The following GNAO1 variants were observed in gnomAD, a reference collection of about 807,000 sequenced individuals.
GNAO1 encodes the protein guanine nucleotide-binding protein G(o) subunit alpha.
For missense variants in GNAO1, 166 were observed against 478.7 expected, an observed-to-expected ratio of 0.35 and a Z score of 6.10; for synonymous variants, 164 against 180.7, an observed-to-expected ratio of 0.91 and a Z score of 0.74.
At chr16:56,277,675 A>C (rs895690155) in intron 3 of GNAO1, among the ~76,000 whole-genome samples, 4 of 152,114 alleles carry the variant, frequency 2.6e-5, no homozygotes, top group African/African-American at 7.2e-5. Context: ...GCATGGCACA[A>C]GCCACAGGCC....
At chr16:56,337,462 A>G (rs2037753920) in intron 6 of GNAO1, among the ~76,000 whole-genome samples, 1 of 152,172 alleles carries the variant, frequency 6.6e-6, no homozygotes, top group African/African-American at 2.4e-5. Flanking sequence ...GCCAAATGCC[A>G]GACCAGGCTC....
intron 2 of GNAO1, among the ~76,000 whole-genome samples, chr16:56,269,846 C>CT (rs2036998291): frequency 6.6e-6 from 1 of 152,130 alleles, no homozygotes; most frequent in South Asian, 2.1e-4. Flanking sequence ...TCAGAGGAGT[C>CT]TATGATTCAG....
intron 2 of GNAO1, among the ~76,000 whole-genome samples, chr16:56,266,838 C>T (rs1191262887): frequency 1.3e-5 from 2 of 152,122 alleles, no homozygotes; most frequent in East Asian, 3.9e-4. Flanking sequence ...GTGCCCCACT[C>T]TTAACACGTG....
intron 2 of GNAO1, among the ~76,000 whole-genome samples, chr16:56,226,176 A>G (rs1225495639): frequency 2.6e-5 from 4 of 152,180 alleles, no homozygotes; most frequent in Non-Finnish European, 4.4e-5. Flanking sequence ...AGGGGGCATC[A>G]TAGCCTTTCA....
At chr16:56,194,374 G>T in intron 2 of GNAO1, 1 of 421,244 alleles carries the variant, frequency 2.4e-6, no homozygotes, top group East Asian at 7.2e-5. Flanking sequence ...CCTTTCTCCC[G>T]AGGGGGGACG....
intron 2 of GNAO1, among the ~76,000 whole-genome samples, chr16:56,228,921 A>G (rs759674333): frequency 2.0e-5 from 3 of 152,202 alleles, no homozygotes; most frequent in Non-Finnish European, 4.4e-5. Flanking sequence ...TTGTTGTTAT[A>G]CATGTTTGTT....
intron 2 of GNAO1, among the ~76,000 whole-genome samples, chr16:56,269,652 G>A (rs1435542749): frequency 6.6e-6 from 1 of 152,204 alleles, no homozygotes; most frequent in African/African-American, 2.4e-5. Flanking sequence ...TTGTGATGGA[G>A]GAGGAGCGGC....
intron 2 of GNAO1, among the ~76,000 whole-genome samples, chr16:56,199,677 A>G (rs188896487): frequency 6.6e-6 from 1 of 152,356 alleles, no homozygotes; most frequent in East Asian, 1.9e-4. Flanking sequence ...GGTTTTCACC[A>G]TAGAATTTCT....
chr16:56,317,728 AGG>A (rs2037526396), intron 3 of GNAO1, among the ~76,000 whole-genome samples: 1 of 152,110 alleles, frequency 6.6e-6, no homozygotes, highest in Admixed American at 6.5e-5. Context: ...TGGCTGGAGA[AGG>A]GATGATGGGT....
chr16:56,330,182 G>A (rs527358375), intron 4 of GNAO1, among the ~76,000 whole-genome samples: 3 of 152,352 alleles, frequency 2.0e-5, no homozygotes, highest in East Asian at 3.9e-4. Flanking sequence ...GGCCTGATGA[G>A]CTCCCAGGGA....
At chr16:56,237,523 C>G (rs1161735657) in intron 2 of GNAO1, among the ~76,000 whole-genome samples, 1 of 152,124 alleles carries the variant, frequency 6.6e-6, no homozygotes, top group Non-Finnish European at 1.5e-5. Context: ...AAGAACACAG[C>G]CATCTCCCTG....
chr16:56,289,038 G>GT lies in GNAO1; in HGVS notation c.303+12966_303+12967insT, dbSNP rs1303314523. 3.6e-4 allele frequency among the ~76,000 whole-genome samples: 55 copies of GT among 152,112 alleles called. 1 individual carries two copies. Among genetic ancestry groups the GT allele is most frequent in the Non-Finnish European group, 2.9e-5 (2 of 68,022 alleles). ...TCTTCCTTTGTATCCAAAAAAGGGG[G>GT]GGGGAGCGGAAAAAAGAGAAAAAAA... On this transcript the variant is annotated intron_variant, in intron 3 of 8. Transcript: ENST00000262493.
At position 56,334,726 on chromosome 16, in the gene GNAO1, C is replaced by T. The variant is rs1596871341; in HGVS notation, c.465-3C>T. ...ATAGTCCCCTGTTTGTTGCCATCCT[C>T]AGCTACCTGGACAGCCTGGATCGGA... is the stretch of plus-strand genomic sequence containing the variant. On this transcript the variant is annotated splice_polypyrimidine_tract_variant and splice_region_variant and intron_variant, in intron 4 of 8. Transcript: ENST00000262493. The T allele has an allele frequency of 1.2e-6, 2 of 1,613,844 alleles. No homozygotes were observed. The highest frequency in any genetic ancestry group is 1.3e-5 in the African/African-American group (1 of 74,942).
At chr16:56,264,869 C>A (rs1275967237) in intron 2 of GNAO1, among the ~76,000 whole-genome samples, 3 of 150,430 alleles carry the variant, frequency 2.0e-5, no homozygotes, top group Non-Finnish European at 3.0e-5. Flanking sequence ...TTAATAATTA[C>A]TAAAGTGGTC....
intron 3 of GNAO1, among the ~76,000 whole-genome samples, chr16:56,318,071 G>A (rs554961793): frequency 9.2e-5 from 14 of 152,168 alleles, no homozygotes; most frequent in Admixed American, 5.2e-4. Context: ...TGGCAATTTG[G>A]TACCACTTCC....
At chr16:56,304,521 A>T (rs2037375340) in intron 3 of GNAO1, among the ~76,000 whole-genome samples, 1 of 152,210 alleles carries the variant, frequency 6.6e-6, no homozygotes, top group Admixed American at 6.5e-5. Context: ...ACAAGAGAAG[A>T]CTGGTGCCTC....
chr16:56,320,172 C>T (rs1189206703), intron 3 of GNAO1, among the ~76,000 whole-genome samples: 1 of 152,166 alleles, frequency 6.6e-6, no homozygotes, highest in African/African-American at 2.4e-5. Context: ...TGTTAGCATT[C>T]AGAAATATAC....
At chr16:56,312,850 T>C (rs1596858580) in intron 3 of GNAO1, among the ~76,000 whole-genome samples, 1 of 152,320 alleles carries the variant, frequency 6.6e-6, no homozygotes, top group Non-Finnish European at 1.5e-5. Context: ...TAGCATGGGC[T>C]CACCGAGTCA....
At chr16:56,312,803 A>G (rs1453284756) in intron 3 of GNAO1, among the ~76,000 whole-genome samples, 2 of 152,228 alleles carry the variant, frequency 1.3e-5, no homozygotes, top group African/African-American at 4.8e-5. Context: ...GCTCTGTGAG[A>G]TGAGATGGCT....
Sources: gnomAD v4.1 joint callset for allele counts (sites outside exome capture counted in the v4.1 genomes callset) on GRCh38, gnomAD v4.1.1 for gene constraint, MANE v1.5 for transcripts, NCBI Gene and HGNC (gene_info 2026-07-23, HGNC 2026-07-21) for gene names.